DAB1: variants seen among roughly 807,000 people sequenced by gnomAD.
DAB1 encodes disabled homolog 1.
DAB1 carries 15 observed loss-of-function variants against 64.6 expected under a neutral mutation model. That is an observed-to-expected ratio of 0.23 (90% confidence interval 0.16 to 0.36). The LOEUF (loss-of-function observed/expected upper bound fraction) is 0.36, where lower values mean the gene tolerates loss of function less well. Among genes scored for constraint, DAB1 ranks in the 10% least tolerant of loss-of-function variants. DAB1 has a pLI of 1.00. For missense variants in DAB1, 596 were observed against 706.7 expected (o/e 0.84, Z 1.78); for synonymous variants, 235 against 251.9 (o/e 0.93, Z 0.64).
chr1:57,896,251 C>T (rs1201155285), intron 5 of DAB1, among the ~76,000 whole-genome samples: 2 of 152,194 alleles, frequency 1.3e-5, no homozygotes, highest in East Asian at 1.9e-4. Context: ...GTGTACATCA[C>T]AAGGGAGGGG....
At chr1:57,031,318 T>G (rs1646960260) in intron 9 of DAB1, among the ~76,000 whole-genome samples, 1 of 152,308 alleles carries the variant, frequency 6.6e-6, no homozygotes, top group African/African-American at 2.4e-5. Flanking sequence ...CTCCTCCCCA[T>G]GTTAACCCCA....
intron 7 of DAB1, among the ~76,000 whole-genome samples, chr1:57,568,355 C>G (rs2101526286): frequency 6.6e-6 from 1 of 152,292 alleles, no homozygotes; most frequent in African/African-American, 2.4e-5. Flanking sequence ...CCATTCAGGA[C>G]ATAGGCATGG....
chr1:58,446,068 T>G (rs1437813752), intron 3 of DAB1, among the ~76,000 whole-genome samples: 1 of 152,234 alleles, frequency 6.6e-6, no homozygotes, highest in Non-Finnish European at 1.5e-5. Flanking sequence ...CAGCATGGCT[T>G]CCCTGGTTAC....
intron 3 of DAB1, among the ~76,000 whole-genome samples, chr1:58,352,784 G>A (rs1644071194): frequency 6.6e-6 from 1 of 152,024 alleles, no homozygotes; most frequent in Non-Finnish European, 1.5e-5. Flanking sequence ...TGAGATCATG[G>A]GAATGAAGCC....
intron 4 of DAB1, among the ~76,000 whole-genome samples, chr1:58,248,911 C>T (rs1273888459): frequency 6.6e-6 from 1 of 152,132 alleles, no homozygotes; most frequent in Non-Finnish European, 1.5e-5. Flanking sequence ...ATTGTGCATT[C>T]TCGGAAGGCA....
chr1:57,915,721 T>G (rs1644717014), intron 5 of DAB1, among the ~76,000 whole-genome samples: 1 of 152,162 alleles, frequency 6.6e-6, no homozygotes, highest in Non-Finnish European at 1.5e-5. Context: ...TGGATATGTG[T>G]GTGACGTAGA....
At chr1:58,508,265 ATT>A (rs921126936) in intron 2 of DAB1, among the ~76,000 whole-genome samples, 3 of 152,202 alleles carry the variant, frequency 2.0e-5, no homozygotes, top group African/African-American at 7.2e-5. Context: ...AAGTCAGATA[ATT>A]TTGTTTCCAA....
chr1:58,294,100 C>G (rs1557724231), intron 4 of DAB1, among the ~76,000 whole-genome samples: 2 of 152,126 alleles, frequency 1.3e-5, no homozygotes, highest in Admixed American at 6.6e-5. Flanking sequence ...ACACTACAAT[C>G]TAGTTAAACC....
intron 5 of DAB1, among the ~76,000 whole-genome samples, chr1:58,098,161 T>C (rs1651102437): frequency 6.6e-6 from 1 of 152,116 alleles, no homozygotes; most frequent in Non-Finnish European, 1.5e-5. Context: ...TGAAATAATT[T>C]CTCTTTGCGT....
At chr1:58,410,850 G>A (rs1238369327) in intron 3 of DAB1, among the ~76,000 whole-genome samples, 1 of 152,166 alleles carries the variant, frequency 6.6e-6, no homozygotes, top group Non-Finnish European at 1.5e-5. Context: ...ATAGACTGTG[G>A]TGGTAAACCT....
intron 4 of DAB1, among the ~76,000 whole-genome samples, chr1:58,306,214 G>A (rs917693878): frequency 2.6e-5 from 4 of 151,570 alleles, no homozygotes; most frequent in Non-Finnish European, 5.9e-5. Flanking sequence ...GGTTCCTTAA[G>A]GAGCAAAACA....
chr1:58,427,326 AT>A (rs1644831262), intron 3 of DAB1, among the ~76,000 whole-genome samples: 1 of 152,002 alleles, frequency 6.6e-6, no homozygotes, highest in Admixed American at 6.6e-5. Flanking sequence ...AAGGACTTTT[AT>A]TTTTTCTCCG....
At chr1:58,219,302 C>T (rs1659033376) in intron 4 of DAB1, among the ~76,000 whole-genome samples, 2 of 152,140 alleles carry the variant, frequency 1.3e-5, no homozygotes, top group South Asian at 2.1e-4. Flanking sequence ...GAAGGAAATG[C>T]TTCTTATATA....
chr1:57,741,233 CCT>C (rs1445577475), intron 6 of DAB1, among the ~76,000 whole-genome samples: 1 of 152,128 alleles, frequency 6.6e-6, no homozygotes, highest in Non-Finnish European at 1.5e-5. Flanking sequence ...TCTTCTGTTT[CCT>C]CTCTACTATT....
At chr1:57,576,528 T>C (rs1645251559) in intron 7 of DAB1, among the ~76,000 whole-genome samples, 1 of 152,132 alleles carries the variant, frequency 6.6e-6, no homozygotes. Context: ...ACACTAAGGA[T>C]TGCTGGCAAA....
chr1:58,389,538 TTTGAATCCCAG>T (rs1644460079), intron 3 of DAB1, among the ~76,000 whole-genome samples: 1 of 152,160 alleles, frequency 6.6e-6, no homozygotes, highest in Admixed American at 6.5e-5. Context: ...GAGTTCTGGG[TTTGAATCCCAG>T]CTGGGGCACT....
At position 57,270,526 on chromosome 1, in the gene DAB1, G is replaced by A. The variant is rs1443112982; in HGVS notation, c.67+20438C>T. Among the ~76,000 whole-genome samples, 4 of 152,326 alleles carry A rather than the reference G, an allele frequency of 2.6e-5. No homozygotes were observed. In the East Asian group the frequency reaches 7.7e-4, roughly 29 times the overall value. On this transcript the variant is annotated intron_variant, in intron 2 of 14. Transcript: ENST00000371236. ...ACAGATGAAGGACCAGAGTCTGAGA[G>A]AGAAGTAAATCGCCCATATTCACCA... is the stretch of plus-strand genomic sequence containing the variant.
intron 2 of DAB1, among the ~76,000 whole-genome samples, chr1:57,196,300 C>T (rs11206994): frequency 0.019 from 2,896 of 152,310 alleles, 100 homozygotes; most frequent in African/African-American, 0.066. Context: ...GTTTTATCTA[C>T]GTTAGCTCAG....
At chr1:57,864,050 CA>C (rs1310401493) in intron 1 of DAB1, among the ~76,000 whole-genome samples, 1 of 152,072 alleles carries the variant, frequency 6.6e-6, no homozygotes, top group Non-Finnish European at 1.5e-5. Context: ...TCTATAATAT[CA>C]GGAGGTGATG....
Sources: gnomAD v4.1 joint callset for allele counts (sites outside exome capture counted in the v4.1 genomes callset) on GRCh38, gnomAD v4.1.1 for gene constraint, MANE v1.5 for transcripts, NCBI Gene and HGNC (gene_info 2026-07-23, HGNC 2026-07-21) for gene names.